Variants in ZNF536 observed in about 807,000 individuals in gnomAD.
ZNF536 encodes the protein zinc finger protein 536.
In ZNF536, 13 loss-of-function variants were observed where a neutral mutation model predicts 84.5. That is an observed-to-expected ratio of 0.15 (90% CI 0.10 to 0.24). The LOEUF (loss-of-function observed/expected upper bound fraction) is 0.24. Among genes scored for constraint, ZNF536 ranks in the 10% least tolerant of loss-of-function variants. The pLI is 1.00. For synonymous variants in ZNF536, 811 were observed against 742.5 expected (o/e 1.09, Z -1.50); for missense variants, 1,536 against 1,747.5 (o/e 0.88, Z 2.16).
chr19:30,335,849 G>A (rs1191341716), intron 2 of ZNF536, among the ~76,000 whole-genome samples: 2 of 152,182 alleles, frequency 1.3e-5, no homozygotes, highest in African/African-American at 2.4e-5. Context: ...ATACTGGGCT[G>A]TCCAGGAGCC....
rs2052304024 is a variant in ZNF536 at position 30,445,809 on chromosome 19, C to A, written c.2170+77C>A. 15 of 1,493,820 alleles carry A rather than the reference C, an allele frequency of 1.0e-5. No homozygotes were observed. The highest frequency in any genetic ancestry group is 1.3e-5 in the Non-Finnish European group (15 of 1,121,420). 92.5% of individuals were successfully genotyped at this position (1,493,820 alleles called of 1,614,324 possible). A position where few individuals can be genotyped will look rare whatever the true frequency, so the allele number is the denominator to read the frequency against. On this transcript the variant is annotated intron_variant, in intron 2 of 4. Coordinates refer to ENST00000355537, the MANE Select transcript of ZNF536 (RefSeq NM_014717.3). The surrounding 1 kb of genome is among the most constrained non-coding windows in gnomAD (Gnocchi z 4.5). ...GGGCTGCCTGGTTCTGCTCCCAGGC[C>A]TCCAGTCAGTTCCAAGGCCAGTGGG...
At chr19:30,605,657 T>C (rs2047844129) in intron 1 of ZNF536, among the ~76,000 whole-genome samples, 1 of 152,218 alleles carries the variant, frequency 6.6e-6, no homozygotes, top group Admixed American at 6.5e-5. Flanking sequence ...CACATGTGTG[T>C]GGGTGTCTTT....
intron 1 of ZNF536, among the ~76,000 whole-genome samples, chr19:30,383,548 C>A (rs571127202): frequency 6.7e-6 from 1 of 149,954 alleles, no homozygotes; most frequent in Admixed American, 6.6e-5. Context: ...TGGCCCAGGG[C>A]CTGCTACTCA....
intron 1 of ZNF536, among the ~76,000 whole-genome samples, chr19:30,578,554 C>T (rs531195006): frequency 6.6e-6 from 1 of 152,204 alleles, no homozygotes; most frequent in Non-Finnish European, 1.5e-5. Context: ...TCTGGCTGGT[C>T]CTTGGGTTAT....
intron 2 of ZNF536, among the ~76,000 whole-genome samples, chr19:30,528,160 C>T (rs1414538284): frequency 6.6e-6 from 1 of 152,148 alleles, no homozygotes; most frequent in Non-Finnish European, 1.5e-5. Flanking sequence ...GAGTTAGTCA[C>T]CTTACCCATG....
intron 1 of ZNF536, among the ~76,000 whole-genome samples, chr19:30,698,454 A>C (rs1193462704): frequency 6.6e-6 from 1 of 152,114 alleles, no homozygotes; most frequent in African/African-American, 2.4e-5. Flanking sequence ...TTGTATTCTT[A>C]GTGTTTTAGT....
chr19:30,364,696 C>T lies in ZNF536; in HGVS notation c.-3+12212C>T, dbSNP rs577480138. On this transcript the variant is annotated intron_variant, in intron 3 of 5. Transcript: ENST00000585628. ...GGGTGCATTGCAGGCAGTCCCAGCA[C>T]GCTCTCAGGCCAGGGCATGAACTGT... Among the ~76,000 whole-genome samples the T allele has an allele frequency of 9.2e-5, 14 of 152,286 alleles. No homozygotes were observed. The East Asian group carries it at 1.2e-3, about 13-fold the overall frequency.
chr19:30,555,832 A>T (rs2045947377), intron 4 of ZNF536: 1 of 152,254 alleles, frequency 6.6e-6, no homozygotes, highest in African/African-American at 2.4e-5. Flanking sequence ...AGGGAGGTGA[A>T]GGTAGGAAAA....
At chr19:30,494,460 G>A (rs11670915) in intron 2 of ZNF536, among the ~76,000 whole-genome samples, 14,578 of 152,206 alleles carry the variant, frequency 0.096, 964 homozygotes, top group Non-Finnish European at 0.15. Context: ...TGAAGGGTGC[G>A]ACAATGGACT....
chr19:30,474,361 G>T (rs1034908004), intron 2 of ZNF536, among the ~76,000 whole-genome samples: 5 of 151,946 alleles, frequency 3.3e-5, no homozygotes, highest in African/African-American at 1.2e-4. Context: ...TGATTAGGGG[G>T]TTTATAGCAT....
intron 1 of ZNF536, among the ~76,000 whole-genome samples, chr19:30,677,778 C>T (rs914405616): frequency 6.6e-5 from 10 of 152,230 alleles, no homozygotes; most frequent in African/African-American, 2.4e-4. Flanking sequence ...AGACCCTGAG[C>T]TCATAAAGCC....
At chr19:30,640,802 T>C (rs2049241448) in intron 1 of ZNF536, among the ~76,000 whole-genome samples, 1 of 152,272 alleles carries the variant, frequency 6.6e-6, no homozygotes. Context: ...ATGCAGCATT[T>C]ACTAAGATGT....
At position 30,549,169 on chromosome 19, in the gene ZNF536, G is replaced by C. The variant is rs2146241361; in HGVS notation, c.3550G>C (p.Glu1184Gln). Residue 1184 changes from glutamate to glutamine, a missense_variant, in exon 4 of 5, where the codon GAA becomes CAA. Glu to Gln is a conservative substitution (Grantham distance 29). Coordinates refer to ENST00000355537, the MANE Select transcript of ZNF536 (RefSeq NM_014717.3). ...KGENNDEEDV[E>Q]TEPEMMTKPL... ...GGAGAACAACGATGAAGAGGATGTT[G>C]AAACCGAACCGGAAATGATGACCAA... The C allele has an allele frequency of 6.2e-7, 1 of 1,613,974 alleles. No individual in the cohort carries two copies. Among genetic ancestry groups the C allele is most frequent in the Non-Finnish European group, 8.5e-7 (1 of 1,180,038 alleles).
chr19:30,474,956 C>T (rs988377243), intron 2 of ZNF536, among the ~76,000 whole-genome samples: 1 of 150,398 alleles, frequency 6.6e-6, no homozygotes, highest in Non-Finnish European at 1.5e-5. Context: ...CTGTCCCTTC[C>T]CTTCCTCTCT....
chr19:30,645,144 C>T (rs567032105), intron 1 of ZNF536, among the ~76,000 whole-genome samples: 55 of 152,258 alleles, frequency 3.6e-4, no homozygotes, highest in African/African-American at 1.3e-3. Context: ...TTTCATGTGT[C>T]TTTTGCCTGC....
chr19:30,369,534 G>A (rs978113154), upstream of ZNF536, among the ~76,000 whole-genome samples: 6 of 58,194 alleles, frequency 1.0e-4, no homozygotes, highest in Non-Finnish European at 2.2e-4. Flanking sequence ...TCACTGTCCC[G>A]GGGTGTGGTT....
At chr19:30,248,753 CT>C (rs1433907827) in intron 1 of ZNF536, among the ~76,000 whole-genome samples, 1 of 152,078 alleles carries the variant, frequency 6.6e-6, no homozygotes, top group Non-Finnish European at 1.5e-5. Context: ...GGCTTTTGAC[CT>C]TGGCCAGCAG....
intron 2 of ZNF536, among the ~76,000 whole-genome samples, chr19:30,321,938 G>A (rs577347637): frequency 1.5e-4 from 23 of 151,920 alleles, no homozygotes; most frequent in Admixed American, 9.2e-4. Flanking sequence ...CACCATGCCC[G>A]GCTAATTTTT....
At chr19:30,498,658 A>G (rs1297277177) in intron 2 of ZNF536, among the ~76,000 whole-genome samples, 2 of 152,238 alleles carry the variant, frequency 1.3e-5, no homozygotes, top group Non-Finnish European at 2.9e-5. Context: ...TAGAAAAAAT[A>G]TAACTGCTGA....
Sources: gnomAD v4.1 joint callset for allele counts (sites outside exome capture counted in the v4.1 genomes callset) on GRCh38, gnomAD v4.1.1 for gene constraint, Gnocchi (gnomAD v3.1) non-coding constraint, MANE v1.5 for transcripts, NCBI Gene and HGNC (gene_info 2026-07-23, HGNC 2026-07-21) for gene names.